The following MYO3A variants were observed in gnomAD, a reference collection of about 807,000 sequenced individuals.
MYO3A encodes myosin IIIA, also known as myosin-IIIa.
A neutral mutation model predicts 192.7 loss-of-function variants in MYO3A; 180 were observed. That is an observed-to-expected ratio of 0.93 (90% CI 0.83 to 1.06). MYO3A has a LOEUF of 1.06. MYO3A is among the 50% of genes least tolerant of loss of function. The probability of loss-of-function intolerance (pLI) is 0.00; values close to 1 mark genes in which losing one functional copy is unlikely to be tolerated. For missense variants in MYO3A, 1,896 were observed against 1,905.0 expected, an observed-to-expected ratio of 1.00 and a Z score of 0.09; for synonymous variants, 628 against 645.3, an observed-to-expected ratio of 0.97 and a Z score of 0.41.
Position 25,941,715 on chromosome 10 carries a change from A to T in MYO3A, c.-18+5885A>T, listed in dbSNP as rs148344745. 2.4e-3 allele frequency among the ~76,000 whole-genome samples: 359 copies of T among 152,276 alleles called. 2 individuals carry two copies. Among genetic ancestry groups the T allele is most frequent in the Non-Finnish European group, 3.5e-3 (236 of 68,026 alleles). ...ACCTTTAACACCATCCATCTCCAGAAATTTTTTATTTTCCCAAACTGAAAC... is the reference window on the plus strand; with the variant it reads ...ACCTTTAACACCATCCATCTCCAGATATTTTTTATTTTCCCAAACTGAAAC... On this transcript the variant is annotated intron_variant, in intron 2 of 34. Transcript: ENST00000642920.
intron 31 of MYO3A, among the ~76,000 whole-genome samples, chr10:26,181,097 A>G (rs1842599991): frequency 6.6e-6 from 1 of 152,192 alleles, no homozygotes; most frequent in Non-Finnish European, 1.5e-5. Flanking sequence ...AGTATTTATA[A>G]AAACCTGTCA....
intron 33 of MYO3A, chr10:26,202,709 C>T (rs1339349450): frequency 2.4e-6 from 1 of 415,194 alleles, no homozygotes; most frequent in East Asian, 5.2e-5. Flanking sequence ...AGTTTGGTGC[C>T]AAGTTCAGTG....
At position 26,129,278 on chromosome 10, in the gene MYO3A, T is replaced by C. The variant is rs191904131; in HGVS notation, c.2262+740T>C. Among the ~76,000 whole-genome samples, 832 of 152,276 alleles carry C rather than the reference T, an allele frequency of 5.5e-3. 3 individuals are homozygous for C. The highest frequency in any genetic ancestry group is 9.1e-3 in the Admixed American group (139 of 15,300). On this transcript the variant is annotated intron_variant, in intron 20 of 34. Coordinates refer to ENST00000642920, the MANE Select transcript of MYO3A (RefSeq NM_017433.5). ...TTTTGGAATTACATTTTGAAAACAG[T>C]GGTCACAAAATAAAACATTTCGATT... is the stretch of plus-strand genomic sequence containing the variant.
chr10:26,106,682 G>A (rs2131616387), intron 17 of MYO3A, among the ~76,000 whole-genome samples: 1 of 152,096 alleles, frequency 6.6e-6, no homozygotes, highest in South Asian at 2.1e-4. Flanking sequence ...GTTGTTATTA[G>A]GAATTCTGCT....
chr10:26,102,103 C>T (rs1020439742), intron 17 of MYO3A, among the ~76,000 whole-genome samples: 7 of 152,102 alleles, frequency 4.6e-5, no homozygotes, highest in Admixed American at 6.6e-5. Context: ...TTTCTTTTTA[C>T]TCTTTTTTCT....
At chr10:26,124,520 A>G (rs1336396696) in intron 18 of MYO3A, among the ~76,000 whole-genome samples, 1 of 152,220 alleles carries the variant, frequency 6.6e-6, no homozygotes. Flanking sequence ...AATTTCTGCA[A>G]TGAGCCTATC....
At chr10:25,975,439 C>T (rs946407512) in intron 4 of MYO3A, among the ~76,000 whole-genome samples, 2 of 152,148 alleles carry the variant, frequency 1.3e-5, no homozygotes, top group Non-Finnish European at 1.5e-5. Context: ...GAAAGCGTAA[C>T]GGCAGTTATC....
chr10:26,126,515 T>G (rs1317540048), intron 19 of MYO3A, among the ~76,000 whole-genome samples: 1 of 152,204 alleles, frequency 6.6e-6, no homozygotes, highest in Non-Finnish European at 1.5e-5. Context: ...CTCTCAAAAT[T>G]GCTTGTGTAC....
chr10:26,132,378 T>C (rs1396053185), intron 20 of MYO3A, among the ~76,000 whole-genome samples: 4 of 152,224 alleles, frequency 2.6e-5, no homozygotes, highest in East Asian at 3.8e-4. Flanking sequence ...GGTATCATCA[T>C]TGTGGTATAG....
At chr10:26,190,091 A>C (rs1447813112) in intron 31 of MYO3A, among the ~76,000 whole-genome samples, 1 of 152,108 alleles carries the variant, frequency 6.6e-6, no homozygotes, top group Non-Finnish European at 1.5e-5. Context: ...TAAAAGGAAA[A>C]AGAAAGGAAA....
chr10:26,191,612 T>C (rs987909840), intron 31 of MYO3A, among the ~76,000 whole-genome samples: 5 of 152,254 alleles, frequency 3.3e-5, no homozygotes, highest in African/African-American at 1.2e-4. Context: ...CCCAATTAGC[T>C]GATCTCCTTT....
intron 31 of MYO3A, among the ~76,000 whole-genome samples, chr10:26,179,756 C>T (rs1842528897): frequency 6.6e-6 from 1 of 152,158 alleles, no homozygotes; most frequent in Non-Finnish European, 1.5e-5. Flanking sequence ...ACGAAGTTAC[C>T]TATTTTATGA....
chr10:26,018,974 T>C (rs1038584172), intron 7 of MYO3A, among the ~76,000 whole-genome samples: 1 of 152,192 alleles, frequency 6.6e-6, no homozygotes, highest in African/African-American at 2.4e-5. Flanking sequence ...TTTTTGAATT[T>C]TTAACAGCTT....
chr10:26,081,854 G>A (rs1263292047), intron 14 of MYO3A, among the ~76,000 whole-genome samples: 1 of 152,172 alleles, frequency 6.6e-6, no homozygotes, highest in Non-Finnish European at 1.5e-5. Context: ...CAGTGGGGAT[G>A]TGTGTTCGGG....
At chr10:26,196,175 A>G (rs1371353524) in intron 32 of MYO3A, among the ~76,000 whole-genome samples, 1 of 152,268 alleles carries the variant, frequency 6.6e-6, no homozygotes, top group African/African-American at 2.4e-5. Context: ...ACAAGATTAG[A>G]AATTACCAAA....
chr10:26,102,461 G>A (rs1200220320), intron 17 of MYO3A, among the ~76,000 whole-genome samples: 1 of 152,190 alleles, frequency 6.6e-6, no homozygotes, highest in Non-Finnish European at 1.5e-5. Context: ...GCATTCCTTT[G>A]GAGGAGAAGT....
chr10:25,984,296 C>T (rs559553084), intron 4 of MYO3A, among the ~76,000 whole-genome samples: 5 of 152,254 alleles, frequency 3.3e-5, no homozygotes, highest in African/African-American at 9.6e-5. Context: ...GGCCTAAATA[C>T]TCCACTTAAA....
Position 26,211,919 on chromosome 10 carries a change from C to T in MYO3A, c.4807C>T (p.Leu1603=), listed in dbSNP as rs1844236896. 6.2e-7 allele frequency: 1 copy of T among 1,613,922 alleles called. No homozygotes were observed. Among genetic ancestry groups the T allele is most frequent in the South Asian group, 1.1e-5 (1 of 91,030 alleles). Reference sequence around the variant, plus strand: ...CAACCCCTACGACTTCAGGAGGCTCCTGCGCAAAACCTCCCAGCGCCGGCG... The same window carrying T: ...CAACCCCTACGACTTCAGGAGGCTCTTGCGCAAAACCTCCCAGCGCCGGCG... ...AANPYDFRRL[L]RKTSQRRRLV... Residue 1603 remains leucine, a synonymous_variant, in exon 35 of 35, where the codon CTG becomes TTG. Transcript: ENST00000642920.
At chr10:26,209,772 C>T (rs1844137190) in intron 34 of MYO3A, among the ~76,000 whole-genome samples, 1 of 152,152 alleles carries the variant, frequency 6.6e-6, no homozygotes, top group Non-Finnish European at 1.5e-5. Context: ...TCAACATGCA[C>T]TCTCATGACC....
Sources: allele counts gnomAD v4.1 joint callset (sites outside exome capture counted in the v4.1 genomes callset), GRCh38; gene constraint gnomAD v4.1.1; transcripts MANE v1.5; gene names NCBI Gene and HGNC (gene_info 2026-07-23, HGNC 2026-07-21).